USP6NL: variants seen among roughly 807,000 people sequenced by gnomAD.
USP6NL encodes USP6 N-terminal-like protein.
Under a neutral mutation model 61.9 loss-of-function variants are expected in USP6NL, and 26 were observed. The ratio of observed to expected loss-of-function variants is 0.42; its 90% CI spans 0.31 to 0.58. The LOEUF (loss-of-function observed/expected upper bound fraction) is 0.58, where lower values mean the gene tolerates loss of function less well. USP6NL is among the 20% of genes least tolerant of loss of function. USP6NL has a pLI of 0.16. For missense variants in USP6NL, 1,114 were observed against 1,034.3 expected (o/e 1.08, Z -1.06); for synonymous variants, 432 against 390.1 (o/e 1.11, Z -1.27).
At chr10:11,547,429 C>T (rs1440952789) in intron 2 of USP6NL, among the ~76,000 whole-genome samples, 1 of 152,128 alleles carries the variant, frequency 6.6e-6, no homozygotes, top group Non-Finnish European at 1.5e-5. Flanking sequence ...ATCCAGAACC[C>T]ATTCTCAAAA....
Position 11,467,513 on chromosome 10 carries a change from CTT to C in USP6NL, c.1079-3666_1079-3665del, listed in dbSNP as rs547360582. 9.9e-4 allele frequency among the ~76,000 whole-genome samples: 151 copies of C among 152,200 alleles called. 2 individuals are homozygous for C. Among genetic ancestry groups the C allele is most frequent in the African/African-American group, 3.4e-3 (142 of 41,524 alleles). The stretch of plus-strand genomic sequence containing the variant: ...TTCAAAACTGCATTCTTTTAGAAAA[CTT>C]ATATCCTCAGCATAGAGGATTTGTG... On this transcript the variant is annotated intron_variant, in intron 14 of 14. Transcript: ENST00000609104.
intron 2 of USP6NL, among the ~76,000 whole-genome samples, chr10:11,534,800 G>A (rs528089656): frequency 2.6e-5 from 4 of 152,114 alleles, no homozygotes; most frequent in Non-Finnish European, 5.9e-5. Context: ...AAATGCTATT[G>A]ACATTATTAT....
At position 11,518,457 on chromosome 10, in the gene USP6NL, T is replaced by C; in HGVS notation, c.195+78A>G. The C allele has an allele frequency of 1.5e-6, 2 of 1,341,248 alleles. No individual in the cohort carries two copies. Among genetic ancestry groups the C allele is most frequent in the Non-Finnish European group, 2.1e-6 (2 of 937,498 alleles). The allele number at this position is 1,341,248 out of a possible 1,614,324, so 83.1% of individuals were successfully genotyped here. A position where few individuals can be genotyped will look rare whatever the true frequency, so the allele number is the denominator to read the frequency against. On this transcript the variant is annotated intron_variant, in intron 5 of 14. Transcript: ENST00000609104. This position sits in a 1 kb window ranked among gnomAD's most constrained non-coding sequence, Gnocchi z 5.3. ...TTCCCATATAATATGGCACTTAAAA[T>C]CACAAAGGTGGTCAATTTTATTCTT...
chr10:11,580,013 G>C (rs922615307), intron 2 of USP6NL, among the ~76,000 whole-genome samples: 5 of 149,822 alleles, frequency 3.3e-5, no homozygotes, highest in African/African-American at 1.2e-4. Flanking sequence ...CACAACAGGA[G>C]GTGGGGTACT....
chr10:11,469,029 A>G (rs1270031027), intron 14 of USP6NL, among the ~76,000 whole-genome samples: 1 of 152,216 alleles, frequency 6.6e-6, no homozygotes, highest in East Asian at 1.9e-4. Flanking sequence ...GTCTCTCTCT[A>G]AGGAAGAGGG....
rs1838884871 is a variant in USP6NL, at chr10:11,611,284, G to A, written c.-84+159C>T. 6.6e-6 allele frequency: 1 copy of A among 151,892 alleles called. No individual in the cohort carries two copies. Among genetic ancestry groups the A allele is most frequent in the African/African-American group, 2.4e-5 (1 of 41,404 alleles). The allele number at this position is 151,892 out of a possible 1,614,324, so 9.4% of individuals were successfully genotyped here. A position where few individuals can be genotyped will look rare whatever the true frequency, so the allele number is the denominator to read the frequency against. ...CGCACTGTGCCCGAGCCGCCCCCCA[G>A]GGCCGAGCCGCGAACCGCAGCCGCG... is the stretch of plus-strand genomic sequence containing the variant. On this transcript the variant is annotated intron_variant, in intron 1 of 14. Coordinates refer to ENST00000609104, the MANE Select transcript of USP6NL (RefSeq NM_014688.5). This position sits in a 1 kb window ranked among gnomAD's most constrained non-coding sequence, Gnocchi z 5.3.
rs1263417268 is a variant in USP6NL, at chr10:11,510,030, CTT to C, written c.196-357_196-356del. Among the ~76,000 whole-genome samples, 1 of 50,326 alleles carries C rather than the reference CTT, an allele frequency of 2.0e-5. No homozygotes were observed. Among genetic ancestry groups the C allele is most frequent in the Non-Finnish European group, 5.8e-5 (1 of 17,310 alleles). The allele number at this position is 50,326 out of a possible 152,430, so 33.0% of individuals were successfully genotyped here. On this transcript the variant is annotated intron_variant, in intron 5 of 14. Transcript: ENST00000609104. This position sits in a 1 kb window ranked among gnomAD's most constrained non-coding sequence, Gnocchi z 4.8. ...CACTACTTTGAAATTTAATTCTCTTCTTTCTTATTTTACTGAATTCTAGTATA... is the reference window on the plus strand; with the variant it reads ...CACTACTTTGAAATTTAATTCTCTTCTCTTATTTTACTGAATTCTAGTATA...
chr10:11,535,613 CT>C (rs1434798693), intron 2 of USP6NL, among the ~76,000 whole-genome samples: 1 of 152,216 alleles, frequency 6.6e-6, no homozygotes, highest in African/African-American at 2.4e-5. Context: ...CACCCCAAAG[CT>C]GCTTCATGCT....
At position 11,487,358 on chromosome 10, in the gene USP6NL, T is replaced by G. The variant is rs898427960; in HGVS notation, c.665-1447A>C. Among the ~76,000 whole-genome samples, 2 of 152,330 alleles carry G rather than the reference T, an allele frequency of 1.3e-5. No homozygotes were observed. Among genetic ancestry groups the G allele is most frequent in the Non-Finnish European group, 2.9e-5 (2 of 68,020 alleles). On this transcript the variant is annotated intron_variant, in intron 10 of 14. Transcript: ENST00000609104. The surrounding 1 kb of genome is among the most constrained non-coding windows in gnomAD (Gnocchi z 4.2). ...GAAACAAACATCTCTAAGTATAAACTGACCCTTAATAATGAGCCAAACTAC... is the reference window on the plus strand; with the variant it reads ...GAAACAAACATCTCTAAGTATAAACGGACCCTTAATAATGAGCCAAACTAC...
chr10:11,602,680 C>T lies in USP6NL; in HGVS notation c.-83-4963G>A, dbSNP rs1277966076. On this transcript the variant is annotated intron_variant, in intron 1 of 14. Transcript: ENST00000609104. This position sits in a 1 kb window ranked among gnomAD's most constrained non-coding sequence, Gnocchi z 4.8. ...TTTCTGAAATCAGACACGTTTTGAGCACTGACGTGACACTCAAAGGAAACG... is the reference window on the plus strand; with the variant it reads ...TTTCTGAAATCAGACACGTTTTGAGTACTGACGTGACACTCAAAGGAAACG... Among the ~76,000 whole-genome samples, 2 of 152,132 alleles carry T rather than the reference C, an allele frequency of 1.3e-5. No individual in the cohort carries two copies. The highest frequency in any genetic ancestry group is 4.8e-5 in the African/African-American group (2 of 41,428).
chr10:11,550,122 T>C (rs1380145671), intron 2 of USP6NL, among the ~76,000 whole-genome samples: 1 of 152,204 alleles, frequency 6.6e-6, no homozygotes, highest in Non-Finnish European at 1.5e-5. Context: ...CTCAACAGTA[T>C]TCAAAAATTA....
intron 2 of USP6NL, among the ~76,000 whole-genome samples, chr10:11,549,080 T>C (rs1591915907): frequency 1.3e-5 from 2 of 152,174 alleles, no homozygotes; most frequent in Non-Finnish European, 2.9e-5. Context: ...CATATTTTAC[T>C]ACCCTTAAAA....
chr10:11,473,177 T>A (rs954422613), intron 14 of USP6NL, among the ~76,000 whole-genome samples: 6 of 152,226 alleles, frequency 3.9e-5, no homozygotes, highest in Admixed American at 2.0e-4. Flanking sequence ...TAACCTTTTA[T>A]AAACAGTAGT....
At chr10:11,601,120 AG>A (rs1457108037) in intron 1 of USP6NL, among the ~76,000 whole-genome samples, 7 of 152,228 alleles carry the variant, frequency 4.6e-5, no homozygotes, top group Non-Finnish European at 1.0e-4. Flanking sequence ...CATCAACAAA[AG>A]GGTAAGTAAT....
Position 11,591,626 on chromosome 10 carries a change from T to A in USP6NL, c.4+6005A>T, listed in dbSNP as rs1838160618. Among the ~76,000 whole-genome samples, 1 of 152,162 alleles carries A rather than the reference T, an allele frequency of 6.6e-6. No individual in the cohort carries two copies. The highest frequency in any genetic ancestry group is 1.9e-4 in the East Asian group (1 of 5,190). On this transcript the variant is annotated intron_variant, in intron 2 of 14. Coordinates refer to ENST00000609104, the MANE Select transcript of USP6NL (RefSeq NM_014688.5). The surrounding 1 kb of genome is among the most constrained non-coding windows in gnomAD (Gnocchi z 4.7). ...TCAATTTCTTTTCTAGATAGAGGTG[T>A]GTGTGAGAGAGGGAAAGGGAGAGGG... is the stretch of plus-strand genomic sequence containing the variant.
chr10:11,469,927 G>A (rs558030697), intron 14 of USP6NL, among the ~76,000 whole-genome samples: 12 of 151,958 alleles, frequency 7.9e-5, no homozygotes, highest in African/African-American at 1.9e-4. Context: ...TGATGCTAAC[G>A]CTGCGATTAT....
rs372237952 is a variant in USP6NL at position 11,513,593 on chromosome 10, T to C, written c.196-3918A>G. Among the ~76,000 whole-genome samples, 1 of 152,250 alleles carries C rather than the reference T, an allele frequency of 6.6e-6. No homozygotes were observed. The highest frequency in any genetic ancestry group is 1.5e-5 in the Non-Finnish European group (1 of 68,044). ...CTTTTGCTAGATTTCATTTATACTATTTAGGTTTTTAGGGGGAACTGATCA... is the reference window on the plus strand; with the variant it reads ...CTTTTGCTAGATTTCATTTATACTACTTAGGTTTTTAGGGGGAACTGATCA... On this transcript the variant is annotated intron_variant, in intron 5 of 14. Transcript: ENST00000609104. This position sits in a 1 kb window ranked among gnomAD's most constrained non-coding sequence, Gnocchi z 4.7.
rs1313941512 is a variant in USP6NL at position 11,585,523 on chromosome 10, G to A, written c.4+12108C>T. On this transcript the variant is annotated intron_variant, in intron 2 of 14. Transcript: ENST00000609104. This position sits in a 1 kb window ranked among gnomAD's most constrained non-coding sequence, Gnocchi z 4.5. ...TAAAAATACAAAAAATTAGCTGGGC[G>A]TGGTGGCGGGCACCTGTACTCCCAG... is the stretch of plus-strand genomic sequence containing the variant. 2.0e-5 allele frequency among the ~76,000 whole-genome samples: 3 copies of A among 152,080 alleles called. No homozygotes were observed. Among genetic ancestry groups the A allele is most frequent in the African/African-American group, 2.4e-5 (1 of 41,402 alleles).
Position 11,463,920 on chromosome 10 carries a change from G to A in USP6NL, c.1079-71C>T. 7.4e-7 allele frequency: 1 copy of A among 1,351,414 alleles called. No homozygotes were observed. Among genetic ancestry groups the A allele is most frequent in the Non-Finnish European group, 9.9e-7 (1 of 1,009,190 alleles). The allele number at this position is 1,351,414 out of a possible 1,614,324, so 83.7% of individuals were successfully genotyped here. A position where few individuals can be genotyped will look rare whatever the true frequency, so the allele number is the denominator to read the frequency against. On this transcript the variant is annotated intron_variant, in intron 14 of 14. Coordinates refer to ENST00000609104, the MANE Select transcript of USP6NL (RefSeq NM_014688.5). This position sits in a 1 kb window ranked among gnomAD's most constrained non-coding sequence, Gnocchi z 6.3. ...AGTAGCCAGTTGAAGCAATCCATTA[G>A]TAACAATGGCATGCTTTTCATCTGT... is the stretch of plus-strand genomic sequence containing the variant.
Sources: allele counts gnomAD v4.1 joint callset (sites outside exome capture counted in the v4.1 genomes callset), GRCh38; gene constraint gnomAD v4.1.1; non-coding constraint Gnocchi (gnomAD v3.1); transcripts MANE v1.5; gene names NCBI Gene and HGNC (gene_info 2026-07-23, HGNC 2026-07-21).